Variants in BNC2 observed in about 807,000 individuals in gnomAD.
BNC2 encodes the protein basonuclin zinc finger protein 2.
A neutral mutation model predicts 76.3 loss-of-function variants in BNC2; 20 were observed. The ratio of observed to expected loss-of-function variants is 0.26; its 90% CI spans 0.18 to 0.38. The LOEUF (loss-of-function observed/expected upper bound fraction) is 0.38. BNC2 is among the 10% of genes least tolerant of loss of function. The pLI is 1.00. For synonymous variants in BNC2, 582 were observed against 514.8 expected (o/e 1.13, Z -1.77); for missense variants, 1,382 against 1,399.8 (o/e 0.99, Z 0.20).
chr9:16,753,433 C>T (rs1045182481), intron 1 of BNC2, among the ~76,000 whole-genome samples: 23 of 152,258 alleles, frequency 1.5e-4, no homozygotes, highest in African/African-American at 2.4e-4. Context: ...ACTCTTCACA[C>T]GGGAAAGCAA....
intron 3 of BNC2, among the ~76,000 whole-genome samples, chr9:16,620,869 T>C (rs1820846880): frequency 2.0e-5 from 3 of 152,258 alleles, no homozygotes; most frequent in African/African-American, 7.2e-5. Flanking sequence ...TCTGGTGATA[T>C]GACTTATTTC....
chr9:16,718,259 T>C (rs1824048412), intron 3 of BNC2, among the ~76,000 whole-genome samples: 1 of 152,218 alleles, frequency 6.6e-6, no homozygotes, highest in African/African-American at 2.4e-5. Context: ...TGAGGCCAGC[T>C]TTCCGGCTGC....
chr9:16,616,393 C>CAAAAT (rs1360494387), intron 3 of BNC2, among the ~76,000 whole-genome samples: 7 of 149,108 alleles, frequency 4.7e-5, no homozygotes, highest in African/African-American at 1.7e-4. Context: ...CCCTGTCTCG[C>CAAAAT]AAAATAAAAT....
chr9:16,728,085 T>A, intron 2 of BNC2, 88 bp from the exon 3 acceptor site: 1 of 718,620 alleles, frequency 1.4e-6, no homozygotes, highest in Non-Finnish European at 2.3e-6. Context: ...ACTGTGCATT[T>A]CATTTGGGAA....
chr9:16,514,151 C>T (rs1191525211), intron 5 of BNC2, among the ~76,000 whole-genome samples: 2 of 152,140 alleles, frequency 1.3e-5, no homozygotes, highest in African/African-American at 4.8e-5. Flanking sequence ...AGTGAAGCAC[C>T]ACCAGCCAGC....
intron 5 of BNC2, among the ~76,000 whole-genome samples, chr9:16,535,132 G>C (rs1181754659): frequency 1.3e-5 from 2 of 152,072 alleles, no homozygotes; most frequent in Non-Finnish European, 2.9e-5. Context: ...GCTCAGTTCA[G>C]AGAAATGAAA....
chr9:16,775,124 G>A (rs763822988), intron 1 of BNC2, among the ~76,000 whole-genome samples: 2 of 152,140 alleles, frequency 1.3e-5, no homozygotes, highest in South Asian at 2.1e-4. Context: ...CAAATTATCA[G>A]ACCCTGACCA....
rs149759780 is a variant in BNC2, at chr9:16,717,180, CT to C, written c.330+10616del. On this transcript the variant is annotated intron_variant, in intron 3 of 6. Coordinates refer to ENST00000380672, the MANE Select transcript of BNC2 (RefSeq NM_017637.6). ...TTTATCTCTCCGCACCCCTTTCACA[CT>C]TTTCTTCAAACCATTTCTTACGATG... Among the ~76,000 whole-genome samples the C allele has an allele frequency of 0.011, 1,677 of 152,288 alleles. 67 individuals carry two copies. The East Asian group carries it at 0.11, about 10-fold the overall frequency.
chr9:16,445,447 C>A (rs897039251), intron 5 of BNC2, among the ~76,000 whole-genome samples: 3 of 152,050 alleles, frequency 2.0e-5, no homozygotes, highest in Non-Finnish European at 4.4e-5. Context: ...ATGAAACATA[C>A]TCATTCATAT....
chr9:16,794,844 T>C (rs1409085727), intron 1 of BNC2, among the ~76,000 whole-genome samples: 1 of 152,022 alleles, frequency 6.6e-6, no homozygotes, highest in African/African-American at 2.4e-5. Context: ...TACACAATTT[T>C]CCCCTTCCTC....
chr9:16,581,893 C>T (rs1468483125), intron 4 of BNC2, among the ~76,000 whole-genome samples: 1 of 152,150 alleles, frequency 6.6e-6, no homozygotes, highest in Non-Finnish European at 1.5e-5. Context: ...AAACATACCC[C>T]TTCCCGGGTA....
chr9:16,812,253 C>T (rs1022514617), intron 1 of BNC2, among the ~76,000 whole-genome samples: 3 of 152,214 alleles, frequency 2.0e-5, no homozygotes, highest in African/African-American at 4.8e-5. Flanking sequence ...GTTGGTGGTG[C>T]TTGCGCTGGG....
chr9:16,566,197 C>G (rs887062496), intron 4 of BNC2, among the ~76,000 whole-genome samples: 18 of 152,122 alleles, frequency 1.2e-4, no homozygotes, highest in African/African-American at 4.1e-4. Flanking sequence ...CTACTTATCT[C>G]AAGACCTTGA....
At chr9:16,444,453 C>T (rs566632764) in intron 5 of BNC2, among the ~76,000 whole-genome samples, 5 of 151,992 alleles carry the variant, frequency 3.3e-5, no homozygotes, top group South Asian at 4.2e-4. Context: ...CTACACCTGC[C>T]GGTGTGCTGA....
intron 5 of BNC2, among the ~76,000 whole-genome samples, chr9:16,472,031 G>A (rs1387928289): frequency 3.3e-5 from 5 of 152,118 alleles, no homozygotes; most frequent in African/African-American, 1.2e-4. Context: ...TGATTCTGAG[G>A]CCTTCCCAGT....
chr9:16,587,493 G>A (rs992957354), intron 3 of BNC2, among the ~76,000 whole-genome samples: 1 of 151,976 alleles, frequency 6.6e-6, no homozygotes, highest in African/African-American at 2.4e-5. Context: ...TTATTCTCAC[G>A]GTTACTACCA....
chr9:16,788,475 C>G (rs1328998687), intron 1 of BNC2, among the ~76,000 whole-genome samples: 1 of 151,434 alleles, frequency 6.6e-6, no homozygotes, highest in East Asian at 1.9e-4. Flanking sequence ...ATGGCGTGAA[C>G]CCAGGAGGCG....
intron 5 of BNC2, among the ~76,000 whole-genome samples, chr9:16,443,553 A>T (rs574344914): frequency 6.6e-6 from 1 of 152,274 alleles, no homozygotes; most frequent in South Asian, 2.1e-4. Context: ...AAAATTGATG[A>T]AACAATGCTA....
At chr9:16,828,497 G>A (rs1818502805) in intron 1 of BNC2, among the ~76,000 whole-genome samples, 1 of 152,140 alleles carries the variant, frequency 6.6e-6, no homozygotes, top group Non-Finnish European at 1.5e-5. Context: ...ACGTTCTGAA[G>A]CTTAACTCTC....
Sources: gnomAD v4.1 joint callset for allele counts (sites outside exome capture counted in the v4.1 genomes callset) on GRCh38, gnomAD v4.1.1 for gene constraint, MANE v1.5 for transcripts, NCBI Gene and HGNC (gene_info 2026-07-23, HGNC 2026-07-21) for gene names.